RALYL: variants seen among roughly 807,000 people sequenced by gnomAD.
RALYL encodes RALY RNA binding protein like.
RALYL carries 29 observed loss-of-function variants against 35.1 expected under a neutral mutation model. That is an observed-to-expected ratio of 0.83 (90% confidence interval 0.61 to 1.13). RALYL has a LOEUF of 1.13. Among genes scored for constraint, RALYL ranks in the 50% most tolerant of loss-of-function variants. The pLI, the probability that RALYL is intolerant of heterozygous loss-of-function variation, is 0.00. For missense variants in RALYL, 359 were observed against 360.4 expected (o/e 1.00, Z 0.03); for synonymous variants, 120 against 127.6 (o/e 0.94, Z 0.40).
chr8:84,489,340 C>T (rs901495743), intron 1 of RALYL, among the ~76,000 whole-genome samples: 1 of 151,796 alleles, frequency 6.6e-6, no homozygotes, highest in African/African-American at 2.4e-5. Context: ...TTGATGTTAA[C>T]AAAAGTTAAA....
chr8:84,478,594 A>C (rs1467153575), intron 1 of RALYL, among the ~76,000 whole-genome samples: 1 of 152,130 alleles, frequency 6.6e-6, no homozygotes, highest in Non-Finnish European at 1.5e-5. Flanking sequence ...AAAATGAACC[A>C]GAATTCCTGG....
At chr8:84,474,769 A>G (rs2053194467) in intron 1 of RALYL, among the ~76,000 whole-genome samples, 1 of 152,136 alleles carries the variant, frequency 6.6e-6, no homozygotes, top group Non-Finnish European at 1.5e-5. Flanking sequence ...ATTTATTTAG[A>G]CTAAATTTTG....
intron 2 of RALYL, among the ~76,000 whole-genome samples, chr8:84,594,750 G>A (rs982964463): frequency 3.9e-5 from 6 of 151,934 alleles, no homozygotes; most frequent in Admixed American, 6.6e-5. Context: ...AATTATTGCA[G>A]CCTATTGATC....
chr8:84,758,359 G>C (rs1475148075), intron 2 of RALYL, among the ~76,000 whole-genome samples: 1 of 152,140 alleles, frequency 6.6e-6, no homozygotes, highest in Non-Finnish European at 1.5e-5. Context: ...AATTGCATGA[G>C]TTATCTATTG....
chr8:84,436,546 T>G (rs202187205), intron 1 of RALYL, among the ~76,000 whole-genome samples: 2,537 of 37,454 alleles, frequency 0.068, 106 homozygotes, highest in Admixed American at 0.28. Flanking sequence ...CATGGGAGTT[T>G]TTTTTTTTTT....
intron 1 of RALYL, among the ~76,000 whole-genome samples, chr8:84,255,564 C>CAGTG (rs1306206233): frequency 6.6e-6 from 1 of 152,028 alleles, no homozygotes; most frequent in East Asian, 1.9e-4. Flanking sequence ...TGGTCAGGAC[C>CAGTG]AGTGGGTGCA....
intron 2 of RALYL, among the ~76,000 whole-genome samples, chr8:84,594,102 T>C (rs1463693875): frequency 6.6e-6 from 1 of 152,070 alleles, no homozygotes; most frequent in Admixed American, 6.6e-5. Context: ...CCTGCATTTC[T>C]CTACCTAAAT....
At chr8:84,640,595 A>T (rs936943976) in intron 2 of RALYL, among the ~76,000 whole-genome samples, 2 of 151,978 alleles carry the variant, frequency 1.3e-5, no homozygotes, top group Admixed American at 1.3e-4. Flanking sequence ...GGAGGAAAAC[A>T]TTGCTTTTCT....
At chr8:84,816,426 A>G (rs1827303619) in intron 4 of RALYL, among the ~76,000 whole-genome samples, 1 of 152,222 alleles carries the variant, frequency 6.6e-6, no homozygotes, top group South Asian at 2.1e-4. Flanking sequence ...ATATCGATTT[A>G]TACCAATTTT....
chr8:84,196,988 C>A lies in RALYL; in HGVS notation c.-24+12564C>A, dbSNP rs542828102. 2.6e-4 allele frequency among the ~76,000 whole-genome samples: 40 copies of A among 152,236 alleles called. 2 individuals carry two copies. In the South Asian group the frequency reaches 8.1e-3, roughly 31 times the overall value. On this transcript the variant is annotated intron_variant, in intron 1 of 8. Transcript: ENST00000521268. ...GGAGGTAAGGAAATAATGCAATTGT[C>A]AGAAATTGGTAACATCTTCATAGGA...
rs149811549 is a variant in RALYL, at chr8:84,640,169, A to T, written c.256+110592A>T. 1.1e-3 allele frequency among the ~76,000 whole-genome samples: 166 copies of T among 152,162 alleles called. 3 individuals carry two copies. The East Asian group carries it at 0.028, about 26-fold the overall frequency. ...GAAACATAGGTCATTGTAAAACAAT[A>T]GTTACTCATTTAACCCAAGTAATAA... On this transcript the variant is annotated intron_variant, in intron 2 of 8. Transcript: ENST00000521268.
chr8:84,277,608 T>C (rs1835672688), intron 1 of RALYL, among the ~76,000 whole-genome samples: 1 of 152,184 alleles, frequency 6.6e-6, no homozygotes, highest in Non-Finnish European at 1.5e-5. Context: ...TATGAGCCTG[T>C]AAAATTAAAA....
intron 2 of RALYL, among the ~76,000 whole-genome samples, chr8:84,717,196 T>A (rs902362864): frequency 1.1e-4 from 17 of 152,054 alleles, no homozygotes; most frequent in African/African-American, 3.9e-4. Flanking sequence ...CAAAAAAAGA[T>A]CATAGATGTG....
chr8:84,787,327 A>T (rs1178950534), intron 3 of RALYL, among the ~76,000 whole-genome samples: 1 of 152,148 alleles, frequency 6.6e-6, no homozygotes, highest in Non-Finnish European at 1.5e-5. Flanking sequence ...TGTCCCTGCA[A>T]AGGACATGAA....
chr8:84,549,680 G>T (rs1186642180), intron 2 of RALYL, among the ~76,000 whole-genome samples: 3 of 152,192 alleles, frequency 2.0e-5, no homozygotes, highest in Non-Finnish European at 4.4e-5. Context: ...AGTATGGCAG[G>T]CCGGGGAGCC....
intron 3 of RALYL, among the ~76,000 whole-genome samples, chr8:84,786,384 G>A (rs1819460444): frequency 6.6e-6 from 1 of 152,098 alleles, no homozygotes; most frequent in Non-Finnish European, 1.5e-5. Context: ...TCTGGTTCCA[G>A]GTCTTTGAGG....
chr8:84,455,086 C>A (rs988100959), intron 1 of RALYL, among the ~76,000 whole-genome samples: 1 of 151,976 alleles, frequency 6.6e-6, no homozygotes, highest in East Asian at 1.9e-4. Context: ...GAGCCAGGCG[C>A]TGCACAGAAT....
intron 1 of RALYL, among the ~76,000 whole-genome samples, chr8:84,525,359 C>A (rs191945903): frequency 1.4e-4 from 22 of 152,176 alleles, no homozygotes; most frequent in Non-Finnish European, 2.8e-4. Context: ...TGTTATACAC[C>A]ATTTTTGTGT....
At chr8:84,466,987 T>G (rs1333803390) in intron 1 of RALYL, among the ~76,000 whole-genome samples, 2 of 152,180 alleles carry the variant, frequency 1.3e-5, no homozygotes, top group Admixed American at 6.5e-5. Flanking sequence ...TCGGTGGTGA[T>G]ATCCCCTTTA....
Sources: allele counts gnomAD v4.1 joint callset (sites outside exome capture counted in the v4.1 genomes callset), GRCh38; gene constraint gnomAD v4.1.1; transcripts MANE v1.5; gene names NCBI Gene and HGNC (gene_info 2026-07-23, HGNC 2026-07-21).